The following PCDHGB6 variants were observed in gnomAD, a reference collection of about 807,000 sequenced individuals.
PCDHGB6 encodes protocadherin gamma subfamily B, 6.
A neutral mutation model predicts 59.1 loss-of-function variants in PCDHGB6; 51 were observed. The ratio of observed to expected loss-of-function variants is 0.86; its 90% CI spans 0.69 to 1.09. The LOEUF (loss-of-function observed/expected upper bound fraction) is 1.09. Ranked by LOEUF, PCDHGB6 falls within the 50% of genes least tolerant of loss-of-function variation. PCDHGB6 has a pLI of 0.00. For missense variants in PCDHGB6, 1,148 were observed against 1,205.1 expected, an observed-to-expected ratio of 0.95 and a Z score of 0.70; for synonymous variants, 466 against 495.1, an observed-to-expected ratio of 0.94 and a Z score of 0.78.
chr5:141,506,760 G>A (rs1018086132), intron 3 of PCDHGB6, among the ~76,000 whole-genome samples: 1 of 152,128 alleles, frequency 6.6e-6, no homozygotes, highest in Non-Finnish European at 1.5e-5. Context: ...CTAGCTTCTG[G>A]AGCAGCAAAT....
chr5:141,478,642 T>A (rs777741719), intron 1 of PCDHGB6: 1 of 1,552,350 alleles, frequency 6.4e-7, no homozygotes, highest in South Asian at 1.2e-5. Context: ...GTGATGAAGA[T>A]GTTTTCCTGG....
chr5:141,438,635 TACACAC>T (rs56854727), intron 1 of PCDHGB6, among the ~76,000 whole-genome samples: 557 of 33,182 alleles, frequency 0.017, 8 homozygotes, highest in South Asian at 0.028. Flanking sequence ...TATATATATA[TACACAC>T]ACACACACAC....
At chr5:141,457,750 C>G (rs900052683) in intron 1 of PCDHGB6, among the ~76,000 whole-genome samples, 4 of 152,188 alleles carry the variant, frequency 2.6e-5, no homozygotes, top group African/African-American at 9.6e-5. Flanking sequence ...AAGCTGAGCC[C>G]AGACATGGGT....
rs1481706003 is a variant in PCDHGB6, at chr5:141,491,416, G to A, written c.2419-3391G>A. On this transcript the variant is annotated intron_variant, in intron 1 of 3. Transcript: ENST00000520790. This position sits in a 1 kb window ranked among gnomAD's most constrained non-coding sequence, Gnocchi z 6.9. ...TCAGGGAAACGCAGACGGGGACGGG[G>A]GTGGAGGGCAGTGCTGCAGGCGCCA... 3 of 1,614,138 alleles carry A rather than the reference G, an allele frequency of 1.9e-6. No homozygotes were observed. The highest frequency in any genetic ancestry group is 2.2e-5 in the East Asian group (1 of 44,874).
At chr5:141,461,456 T>C (rs12186717) in intron 1 of PCDHGB6, among the ~76,000 whole-genome samples, 42,391 of 152,030 alleles carry the variant, frequency 0.28, 6,631 homozygotes, top group African/African-American at 0.43. Context: ...AATGGCTATT[T>C]GTGTCCTTTG....
intron 1 of PCDHGB6, among the ~76,000 whole-genome samples, chr5:141,472,677 C>T (rs1275941416): frequency 6.6e-6 from 1 of 151,658 alleles, no homozygotes; most frequent in Non-Finnish European, 1.5e-5. Context: ...ACTGGTCCTT[C>T]CATTTCCCCT....
Position 141,431,303 on chromosome 5 carries a change from G to A in PCDHGB6, c.2418+20683G>A, listed in dbSNP as rs777784010. 2 of 1,613,942 alleles carry A rather than the reference G, an allele frequency of 1.2e-6. No homozygotes were observed. The highest frequency in any genetic ancestry group is 2.7e-5 in the African/African-American group (2 of 74,916). ...CCCGAACACTCACTTCTCCCTCATC[G>A]TGCAAAATGGAGCCGACGGTAGTAA... On this transcript the variant is annotated intron_variant, in intron 1 of 3. Transcript: ENST00000520790. The surrounding 1 kb of genome is among the most constrained non-coding windows in gnomAD (Gnocchi z 4.8).
chr5:141,426,753 A>G (rs1360041118), intron 1 of PCDHGB6: 3 of 456,298 alleles, frequency 6.6e-6, no homozygotes, highest in East Asian at 7.0e-5. Flanking sequence ...GGAATCTGCT[A>G]TAGATGCAGA....
Position 141,422,774 on chromosome 5 carries a change from A to G in PCDHGB6, c.2418+12154A>G, listed in dbSNP as rs372343628. On this transcript the variant is annotated intron_variant, in intron 1 of 3. Coordinates refer to ENST00000520790, the MANE Select transcript of PCDHGB6 (RefSeq NM_018926.3). ...ATTAACTCCAACACTGGTGTTCTCT[A>G]TGCCCTACAATCCTTCGACTATGAG... 100 of 1,613,880 alleles carry G rather than the reference A, an allele frequency of 6.2e-5. 1 individual carries two copies. In the Middle Eastern group the frequency reaches 1.3e-3, roughly 21 times the overall value.
intron 1 of PCDHGB6, among the ~76,000 whole-genome samples, chr5:141,472,071 A>G (rs1243864250): frequency 6.6e-6 from 1 of 152,200 alleles, no homozygotes. Context: ...GTCTGTGGTT[A>G]TATCAATGAG....
At chr5:141,422,963 C>T (rs372620011) in intron 1 of PCDHGB6, 43 of 1,614,120 alleles carry the variant, frequency 2.7e-5, no homozygotes, top group Middle Eastern at 1.6e-4. Context: ...GTGGAGCTGG[C>T]GCCCCGCTCT....
chr5:141,432,049 G>T lies in PCDHGB6; in HGVS notation c.2418+21429G>T. The T allele has an allele frequency of 7.4e-6, 12 of 1,614,150 alleles. No individual in the cohort carries two copies. Among genetic ancestry groups the T allele is most frequent in the Non-Finnish European group, 1.0e-5 (12 of 1,180,028 alleles). Reference sequence around the variant, plus strand: ...TGACCGCCACTGACCGGGGAACCCCGCCCCTATCCACGGAAACTCATATCT... The same window carrying T: ...TGACCGCCACTGACCGGGGAACCCCTCCCCTATCCACGGAAACTCATATCT... On this transcript the variant is annotated intron_variant, in intron 1 of 3. Coordinates refer to ENST00000520790, the MANE Select transcript of PCDHGB6 (RefSeq NM_018926.3). The surrounding 1 kb of genome is among the most constrained non-coding windows in gnomAD (Gnocchi z 6.0).
intron 3 of PCDHGB6, among the ~76,000 whole-genome samples, chr5:141,509,766 G>A (rs1176830940): frequency 6.6e-6 from 1 of 152,104 alleles, no homozygotes; most frequent in Non-Finnish European, 1.5e-5. Flanking sequence ...TCCCTGAGAT[G>A]TCTAGTCCCC....
At chr5:141,451,673 G>A (rs912482749) in intron 1 of PCDHGB6, among the ~76,000 whole-genome samples, 4 of 152,164 alleles carry the variant, frequency 2.6e-5, no homozygotes, top group African/African-American at 7.2e-5. Context: ...CTTGAGCCCA[G>A]GAGTTCAAGA....
intron 1 of PCDHGB6, chr5:141,416,406 T>C (rs2096021956): frequency 6.6e-6 from 1 of 152,224 alleles, no homozygotes; most frequent in Non-Finnish European, 1.5e-5. Flanking sequence ...TTGTCTTTTT[T>C]GTTAAATTTT....
At chr5:141,419,137 C>T (rs764281503) in intron 1 of PCDHGB6, 1 of 1,613,892 alleles carries the variant, frequency 6.2e-7, no homozygotes, top group Non-Finnish European at 8.5e-7. Flanking sequence ...CAGCCACAGA[C>T]AGGGGCAAGC....
Position 141,505,350 on chromosome 5 carries a change from G to A in PCDHGB6, c.2478-43G>A, listed in dbSNP as rs367663588. ...AGAGGACAGGAGGGGCATGAGCTGT[G>A]CCGGCCTGGGAGTCTGTGCTCACCA... On this transcript the variant is annotated intron_variant, in intron 2 of 3. Transcript: ENST00000520790. The A allele has an allele frequency of 4.3e-6, 7 of 1,613,264 alleles. No homozygotes were observed. In the African/African-American group the frequency reaches 6.7e-5, roughly 15 times the overall value.
chr5:141,439,773 C>G (rs1323463060), intron 1 of PCDHGB6: 2 of 152,344 alleles, frequency 1.3e-5, no homozygotes, highest in East Asian at 3.9e-4. Flanking sequence ...TCCTTCTTGG[C>G]TGGAGATTCT....
rs1449605701 is a variant in PCDHGB6 at position 141,485,191 on chromosome 5, A to C, written c.2419-9616A>C. ...CGGCAGCAATGCTCCGCAAGGTGAG[A>C]AGCTGGACAGAAATCTGGCGGTGGG... is the stretch of plus-strand genomic sequence containing the variant. On this transcript the variant is annotated intron_variant, in intron 1 of 3. Coordinates refer to ENST00000520790, the MANE Select transcript of PCDHGB6 (RefSeq NM_018926.3). This position sits in a 1 kb window ranked among gnomAD's most constrained non-coding sequence, Gnocchi z 5.7. The C allele has an allele frequency of 6.2e-7, 1 of 1,613,836 alleles. No individual in the cohort carries two copies. The highest frequency in any genetic ancestry group is 1.3e-5 in the African/African-American group (1 of 75,042).
Sources: gnomAD v4.1 joint callset for allele counts (sites outside exome capture counted in the v4.1 genomes callset) on GRCh38, gnomAD v4.1.1 for gene constraint, Gnocchi (gnomAD v3.1) non-coding constraint, MANE v1.5 for transcripts, NCBI Gene and HGNC (gene_info 2026-07-23, HGNC 2026-07-21) for gene names.